Variants in PTER observed in about 807,000 individuals in gnomAD.
PTER encodes the protein N-acetyltaurine hydrolase.
A neutral mutation model predicts 29.6 loss-of-function variants in PTER; 38 were observed. The ratio of observed to expected loss-of-function variants is 1.28; its 90% confidence interval spans 0.99 to 1.68. The LOEUF (loss-of-function observed/expected upper bound fraction) is 1.68, where lower values mean the gene tolerates loss of function less well. PTER is among the 40% of genes most tolerant of loss of function. The pLI is 0.00. For synonymous variants in PTER, 172 were observed against 154.5 expected, an observed-to-expected ratio of 1.11 and a Z score of -0.84; for missense variants, 482 against 427.8, an observed-to-expected ratio of 1.13 and a Z score of -1.12.
intron 2 of PTER, 86 bp from the exon 3 acceptor site, chr10:16,486,261 CAAAAT>C: frequency 7.6e-7 from 1 of 1,316,554 alleles, no homozygotes; most frequent in Non-Finnish European, 1.0e-6. Context: ...GAATGAATGA[CAAAAT>C]AAATAAATTC....
chr10:16,509,661 A>C (rs184202015), intron 4 of PTER, among the ~76,000 whole-genome samples: 102 of 152,274 alleles, frequency 6.7e-4, no homozygotes, highest in African/African-American at 2.4e-3. Flanking sequence ...TTTTTATGTG[A>C]TAATATAACT....
intron 3 of PTER, among the ~76,000 whole-genome samples, chr10:16,498,811 A>C (rs1488375038): frequency 6.6e-6 from 1 of 152,200 alleles, no homozygotes; most frequent in Non-Finnish European, 1.5e-5. Flanking sequence ...CAAGTGAAAA[A>C]GAAAGTCACT....
chr10:16,451,618 A>G (rs1834211731), intron 1 of PTER, among the ~76,000 whole-genome samples: 1 of 152,210 alleles, frequency 6.6e-6, no homozygotes, highest in South Asian at 2.1e-4. Context: ...AGGCTGAGGC[A>G]GGAGAATCAC....
chr10:16,492,590 A>G (rs1277340514), intron 3 of PTER, among the ~76,000 whole-genome samples: 1 of 152,230 alleles, frequency 6.6e-6, no homozygotes, highest in Admixed American at 6.5e-5. Context: ...ATGAAAGCTG[A>G]GTAAAACAGC....
At chr10:16,498,489 A>G (rs1836201069) in intron 3 of PTER, among the ~76,000 whole-genome samples, 1 of 152,142 alleles carries the variant, frequency 6.6e-6, no homozygotes. Flanking sequence ...AGGCTGAGGC[A>G]GGAGAATCGC....
Position 16,513,563 on chromosome 10 carries a change from C to T in PTER, c.*2307C>T, listed in dbSNP as rs1836892833. 1 of 152,394 alleles carries T rather than the reference C, an allele frequency of 6.6e-6. No homozygotes were observed. 9.4% of individuals were successfully genotyped at this position (152,394 alleles called of 1,614,324 possible). A position where few individuals can be genotyped will look rare whatever the true frequency, so the allele number is the denominator to read the frequency against. On this transcript the variant is annotated 3_prime_UTR_variant, in exon 5 of 5. Coordinates refer to ENST00000535784, the MANE Select transcript of PTER (RefSeq NM_001261836.2). Reference sequence around the variant, plus strand: ...GCGAAATTGTTAATTTTAAAATAACCTCAGGCCACAGACTTGTAGTAATCA... The same window carrying T: ...GCGAAATTGTTAATTTTAAAATAACTTCAGGCCACAGACTTGTAGTAATCA...
intron 4 of PTER, among the ~76,000 whole-genome samples, chr10:16,508,096 A>T (rs1588634248): frequency 8.2e-6 from 1 of 122,162 alleles, no homozygotes; most frequent in South Asian, 2.5e-4. Context: ...TGAGATGGAG[A>T]CTTGCTCTGT....
At chr10:16,481,208 T>C (rs1290216240) in intron 1 of PTER, among the ~76,000 whole-genome samples, 2 of 152,228 alleles carry the variant, frequency 1.3e-5, no homozygotes, top group African/African-American at 4.8e-5. Context: ...TGCCGGTGTA[T>C]GTGAGTGATG....
At chr10:16,479,906 G>A (rs573874243) in intron 1 of PTER, among the ~76,000 whole-genome samples, 5 of 151,384 alleles carry the variant, frequency 3.3e-5, no homozygotes, top group South Asian at 2.1e-4. Flanking sequence ...ATGCCTTCCC[G>A]TTTTTTTGTC....
chr10:16,500,744 A>T (rs1836305206), intron 3 of PTER, among the ~76,000 whole-genome samples: 1 of 151,332 alleles, frequency 6.6e-6, no homozygotes, highest in East Asian at 2.0e-4. Flanking sequence ...TTATTTGTTT[A>T]TATTTCTTTT....
chr10:16,456,085 T>C (rs1834385385), intron 1 of PTER, among the ~76,000 whole-genome samples: 1 of 152,234 alleles, frequency 6.6e-6, no homozygotes. Context: ...GTTTTCACAG[T>C]GCAAAAGACG....
intron 1 of PTER, among the ~76,000 whole-genome samples, chr10:16,460,191 T>C (rs368947920): frequency 2.6e-5 from 4 of 152,232 alleles, no homozygotes; most frequent in South Asian, 2.1e-4. Flanking sequence ...AACAGTGGAA[T>C]TGAGATTAGG....
intron 3 of PTER, among the ~76,000 whole-genome samples, chr10:16,491,863 GC>G (rs1835911151): frequency 6.6e-6 from 1 of 152,042 alleles, no homozygotes; most frequent in African/African-American, 2.4e-5. Context: ...ATTACAGTGT[GC>G]CCCCAATCAC....
At chr10:16,444,839 T>G (rs147349509) in intron 1 of PTER, among the ~76,000 whole-genome samples, 4 of 152,178 alleles carry the variant, frequency 2.6e-5, no homozygotes, top group African/African-American at 7.2e-5. Context: ...AATAATAGGG[T>G]TTTTTTTAAT....
At chr10:16,503,578 G>T (rs544962418) in intron 3 of PTER, among the ~76,000 whole-genome samples, 1 of 151,704 alleles carries the variant, frequency 6.6e-6, no homozygotes, top group African/African-American at 2.4e-5. Context: ...CTAATTTTTC[G>T]TATTTTTAGT....
chr10:16,491,940 G>GCACA (rs112397289), intron 3 of PTER, among the ~76,000 whole-genome samples: 8 of 151,282 alleles, frequency 5.3e-5, no homozygotes, highest in Non-Finnish European at 7.4e-5. Flanking sequence ...TTGTATGGGT[G>GCACA]CACACACACA....
intron 3 of PTER, among the ~76,000 whole-genome samples, chr10:16,501,328 T>TACACACACAC (rs35321143): frequency 6.8e-5 from 8 of 117,154 alleles, no homozygotes; most frequent in Non-Finnish European, 1.0e-4. Context: ...AATGAATAAC[T>TACACACACAC]ACACACACAC....
rs114822204 is a variant in PTER at position 16,459,560 on chromosome 10, C to T, written c.-49+22513C>T. 9.4e-3 allele frequency among the ~76,000 whole-genome samples: 1,425 copies of T among 152,248 alleles called. 24 individuals carry two copies. Among genetic ancestry groups the T allele is most frequent in the African/African-American group, 0.032 (1,349 of 41,528 alleles). ...TAGGAACTACAGGACTTGTTAGATA[C>T]ACCCCTGCATCTGCTAGTTCAGATG... On this transcript the variant is annotated intron_variant, in intron 1 of 4. Coordinates refer to ENST00000535784, the MANE Select transcript of PTER (RefSeq NM_001261836.2).
Position 16,512,114 on chromosome 10 carries a change from C to T in PTER, c.*858C>T, listed in dbSNP as rs1836834478. 1 of 151,430 alleles carries T rather than the reference C, an allele frequency of 6.6e-6. No individual in the cohort carries two copies. Among genetic ancestry groups the T allele is most frequent in the Non-Finnish European group, 1.5e-5 (1 of 67,780 alleles). 9.4% of individuals were successfully genotyped at this position (151,430 alleles called of 1,614,324 possible). On this transcript the variant is annotated 3_prime_UTR_variant, in exon 5 of 5. Transcript: ENST00000535784. ...TGTATATTCCCTTTATTTCCTTTACCTTTTGTTTTTCCTTGGACCTAAACA... is the reference window on the plus strand; with the variant it reads ...TGTATATTCCCTTTATTTCCTTTACTTTTTGTTTTTCCTTGGACCTAAACA...
Sources: allele counts gnomAD v4.1 joint callset (sites outside exome capture counted in the v4.1 genomes callset), GRCh38; gene constraint gnomAD v4.1.1; transcripts MANE v1.5; gene names NCBI Gene and HGNC (gene_info 2026-07-23, HGNC 2026-07-21).